SLC25A48: variants seen among roughly 807,000 people sequenced by gnomAD.
SLC25A48 encodes solute carrier family 25 member 48, also known as CTC-321K16.1.
SLC25A48 carries 29 observed loss-of-function variants against 32.2 expected under a neutral mutation model. The ratio of observed to expected loss-of-function variants is 0.90; its 90% CI spans 0.67 to 1.23. The LOEUF (loss-of-function observed/expected upper bound fraction) is 1.23, where lower values mean the gene tolerates loss of function less well. Among genes scored for constraint, SLC25A48 ranks in the 50% most tolerant of loss-of-function variants. The pLI, the probability that SLC25A48 is intolerant of heterozygous loss-of-function variation, is 0.00. For missense variants in SLC25A48, 399 were observed against 422.7 expected, an observed-to-expected ratio of 0.94 and a Z score of 0.49; for synonymous variants, 164 against 172.3, an observed-to-expected ratio of 0.95 and a Z score of 0.38.
At chr5:135,580,232 C>T (rs985985079) in intron 1 of SLC25A48, among the ~76,000 whole-genome samples, 15 of 152,178 alleles carry the variant, frequency 9.9e-5, no homozygotes, top group African/African-American at 2.7e-4. Context: ...TCAGTATATA[C>T]GGCTGCAGAA....
At chr5:135,876,419 G>T (rs1219451367) in intron 6 of SLC25A48, 1 of 152,020 alleles carries the variant, frequency 6.6e-6, no homozygotes, top group Non-Finnish European at 1.5e-5. Context: ...GATAGCGTTT[G>T]GTCCTCACTG....
intron 3 of SLC25A48, among the ~76,000 whole-genome samples, chr5:135,651,154 A>T (rs1753101058): frequency 6.6e-6 from 1 of 152,152 alleles, no homozygotes; most frequent in South Asian, 2.1e-4. Flanking sequence ...AGGCTCCTAC[A>T]GAGCATGCTT....
chr5:135,592,995 G>C (rs2109005), intron 1 of SLC25A48, among the ~76,000 whole-genome samples: 50,305 of 151,870 alleles, frequency 0.33, 9,231 homozygotes, highest in African/African-American at 0.49. Flanking sequence ...AACCACCACT[G>C]AAGCTCCTGG....
chr5:135,706,881 T>C (rs1409840848), intron 3 of SLC25A48, among the ~76,000 whole-genome samples: 1 of 152,126 alleles, frequency 6.6e-6, no homozygotes, highest in Non-Finnish European at 1.5e-5. Context: ...TTCACTTCAA[T>C]AATTGGGAAG....
At chr5:135,852,221 A>G (rs1463004799) in intron 3 of SLC25A48, among the ~76,000 whole-genome samples, 1 of 152,100 alleles carries the variant, frequency 6.6e-6, no homozygotes, top group African/African-American at 2.4e-5. Context: ...TGGCCAGCCC[A>G]CTGCTCCTAA....
intron 4 of SLC25A48, among the ~76,000 whole-genome samples, chr5:135,865,158 C>T (rs1460416690): frequency 2.0e-5 from 3 of 152,158 alleles, no homozygotes; most frequent in Admixed American, 6.5e-5. Flanking sequence ...AAACTAAGAC[C>T]CAGTGAGATT....
intron 1 of SLC25A48, among the ~76,000 whole-genome samples, chr5:135,593,798 A>T (rs1751582663): frequency 6.6e-6 from 1 of 152,220 alleles, no homozygotes; most frequent in Non-Finnish European, 1.5e-5. Flanking sequence ...GTTGTAATTA[A>T]CAAACTGAAT....
At position 135,818,054 on chromosome 5, in the gene SLC25A48, C is replaced by T. The variant is rs865889837; in HGVS notation, c.-117+5128C>T. 9.0e-3 allele frequency among the ~76,000 whole-genome samples: 728 copies of T among 80,654 alleles called. 12 individuals are homozygous for T. Among genetic ancestry groups the T allele is most frequent in the African/African-American group, 0.035 (676 of 19,292 alleles). The allele number at this position is 80,654 out of a possible 152,430, so 52.9% of individuals were successfully genotyped here. On this transcript the variant is annotated intron_variant, in intron 4 of 10. Coordinates refer to the SLC25A48 transcript ENST00000646290. ...GTTTCCCAGGTTTGTTCTCTCTGTT[C>T]CTCTCTCTCTCTCTCTCTCTCTCTC... is the stretch of plus-strand genomic sequence containing the variant.
Position 135,719,853 on chromosome 5 carries a change from C to T in SLC25A48, c.-521+84897C>T, listed in dbSNP as rs74572097. Among the ~76,000 whole-genome samples, 70 of 152,288 alleles carry T rather than the reference C, an allele frequency of 4.6e-4. 2 individuals carry two copies. In the East Asian group the frequency reaches 0.013, roughly 29 times the overall value. Reference sequence around the variant, plus strand: ...CCAACCACCTGCCCCTCGCTGCCATCTCCTGCAGTAGAGATGACACCACCT... The same window carrying T: ...CCAACCACCTGCCCCTCGCTGCCATTTCCTGCAGTAGAGATGACACCACCT... On this transcript the variant is annotated intron_variant, in intron 3 of 10. Coordinates refer to the SLC25A48 transcript ENST00000646290.
chr5:135,769,570 A>G (rs1464357967), intron 3 of SLC25A48, among the ~76,000 whole-genome samples: 1 of 151,614 alleles, frequency 6.6e-6, no homozygotes, highest in Admixed American at 6.6e-5. Context: ...TGAGGAGAGA[A>G]TGATCTTACT....
At chr5:135,843,379 C>G (rs1055540820) in intron 2 of SLC25A48, among the ~76,000 whole-genome samples, 1 of 152,152 alleles carries the variant, frequency 6.6e-6, no homozygotes, top group African/African-American at 2.4e-5. Flanking sequence ...CATTGTAGTG[C>G]TGGATTCAAA....
At chr5:135,773,179 G>T (rs990478606) in intron 3 of SLC25A48, among the ~76,000 whole-genome samples, 8 of 151,400 alleles carry the variant, frequency 5.3e-5, no homozygotes, top group African/African-American at 1.7e-4. Flanking sequence ...ATATCGCAGG[G>T]GGTATACACC....
intron 6 of SLC25A48, chr5:135,874,746 C>T (rs1253790460): frequency 4.3e-6 from 3 of 698,678 alleles, no homozygotes; most frequent in Middle Eastern, 2.3e-4. Context: ...CACACCCCTT[C>T]CCACCACCTG....
chr5:135,861,484 G>A (rs1760793568), intron 4 of SLC25A48, among the ~76,000 whole-genome samples: 1 of 152,088 alleles, frequency 6.6e-6, no homozygotes, highest in Admixed American at 6.5e-5. Context: ...TGCAAAGCAG[G>A]CATAACTATA....
chr5:135,690,150 A>C (rs1227961127), intron 3 of SLC25A48, among the ~76,000 whole-genome samples: 1 of 152,202 alleles, frequency 6.6e-6, no homozygotes, highest in East Asian at 1.9e-4. Context: ...TGGTCACCCC[A>C]AAAATTAGTA....
intron 4 of SLC25A48, among the ~76,000 whole-genome samples, chr5:135,853,131 A>T (rs4976374): frequency 0.77 from 117,551 of 152,182 alleles, 45,585 homozygotes; most frequent in Middle Eastern, 0.87. Flanking sequence ...TACCTTAATT[A>T]AAAAATACTT....
chr5:135,698,426 T>G (rs1440005536), intron 3 of SLC25A48, among the ~76,000 whole-genome samples: 1 of 152,234 alleles, frequency 6.6e-6, no homozygotes, highest in Non-Finnish European at 1.5e-5. Flanking sequence ...ACAAAAGTCT[T>G]TTCTTAGAAC....
chr5:135,685,020 C>T (rs967536641), intron 3 of SLC25A48, among the ~76,000 whole-genome samples: 4 of 152,276 alleles, frequency 2.6e-5, no homozygotes, highest in East Asian at 1.9e-4. Context: ...TACACTCTCA[C>T]GAGCAGTGTA....
intron 6 of SLC25A48, among the ~76,000 whole-genome samples, chr5:135,879,646 A>G (rs1040101110): frequency 1.6e-4 from 23 of 142,830 alleles, no homozygotes; most frequent in African/African-American, 5.4e-4. Flanking sequence ...GTGTGTGTAC[A>G]TGTGAGAGAA....
Sources: gnomAD v4.1 joint callset for allele counts (sites outside exome capture counted in the v4.1 genomes callset) on GRCh38, gnomAD v4.1.1 for gene constraint, MANE v1.5 for transcripts, NCBI Gene and HGNC (gene_info 2026-07-23, HGNC 2026-07-21) for gene names.